ROBO1: variants seen among roughly 807,000 people sequenced by gnomAD.
ROBO1 encodes the protein roundabout homolog 1.
In ROBO1, 149 loss-of-function variants were observed where a neutral mutation model predicts 195.9. The ratio of observed to expected loss-of-function variants is 0.76; its 90% CI spans 0.67 to 0.87. The LOEUF (loss-of-function observed/expected upper bound fraction) is 0.87. Ranked by LOEUF, ROBO1 falls within the 40% of genes least tolerant of loss-of-function variation. ROBO1 has a pLI of 0.00. For synonymous variants in ROBO1, 816 were observed against 733.2 expected, an observed-to-expected ratio of 1.11 and a Z score of -1.82; for missense variants, 1,933 against 2,068.3, an observed-to-expected ratio of 0.93 and a Z score of 1.27.
chr3:78,917,538 C>A (rs1205845643), intron 4 of ROBO1, among the ~76,000 whole-genome samples: 1 of 152,002 alleles, frequency 6.6e-6, no homozygotes, highest in Non-Finnish European at 1.5e-5. Flanking sequence ...ACATGGTAAA[C>A]TCACTAGTTT....
intron 3 of ROBO1, among the ~76,000 whole-genome samples, chr3:79,023,002 A>G (rs2078132160): frequency 6.6e-6 from 1 of 152,212 alleles, no homozygotes; most frequent in African/African-American, 2.4e-5. Context: ...CAGGGATTGC[A>G]GATACCACTT....
intron 28 of ROBO1, among the ~76,000 whole-genome samples, chr3:78,613,036 GT>G (rs1281361664): frequency 6.6e-6 from 1 of 152,142 alleles, no homozygotes; most frequent in Non-Finnish European, 1.5e-5. Context: ...ACTGAAACAA[GT>G]ACTACGGAAC....
chr3:78,897,723 A>C (rs1576364124), intron 4 of ROBO1, among the ~76,000 whole-genome samples: 2 of 152,134 alleles, frequency 1.3e-5, no homozygotes, highest in African/African-American at 2.4e-5. Flanking sequence ...ATTACTTTTC[A>C]ATGCATTTGC....
At chr3:78,930,785 GCCTCCTAATTGATGT>G (rs1028363843) in intron 4 of ROBO1, among the ~76,000 whole-genome samples, 6 of 152,068 alleles carry the variant, frequency 3.9e-5, no homozygotes, top group Non-Finnish European at 8.8e-5. Flanking sequence ...TACTAGAATA[GCCTCCTAATTGATGT>G]CCTCTGACTA....
intron 4 of ROBO1, among the ~76,000 whole-genome samples, chr3:78,916,565 A>G (rs532766548): frequency 3.9e-5 from 6 of 151,966 alleles, no homozygotes; most frequent in East Asian, 3.9e-4. Flanking sequence ...AAGAAAAAAA[A>G]AAAAAAAAGA....
rs774906447 is a variant in ROBO1 at position 78,785,590 on chromosome 3, T to G, written c.500-38690A>C. Among the ~76,000 whole-genome samples, 175 of 152,306 alleles carry G rather than the reference T, an allele frequency of 1.1e-3. 2 individuals carry two copies. The highest frequency in any genetic ancestry group is 7.1e-4 in the Non-Finnish European group (48 of 68,028). On this transcript the variant is annotated intron_variant, in intron 4 of 30. Coordinates refer to ENST00000464233, the MANE Select transcript of ROBO1 (RefSeq NM_002941.4). The stretch of plus-strand genomic sequence containing the variant: ...ATCTCCTTACAAATTCTGGCTATGA[T>G]TCAATTCCTTCTTAACTGAAGATAA...
At chr3:79,729,053 T>G (rs764631099) in intron 1 of ROBO1, among the ~76,000 whole-genome samples, 1 of 152,236 alleles carries the variant, frequency 6.6e-6, no homozygotes, top group Non-Finnish European at 1.5e-5. Flanking sequence ...ATTACATTGT[T>G]TCCGTAGCAC....
At chr3:79,417,262 G>T (rs1193453240) in intron 2 of ROBO1, among the ~76,000 whole-genome samples, 1 of 152,106 alleles carries the variant, frequency 6.6e-6, no homozygotes, top group Admixed American at 6.6e-5. Context: ...GGGGAAGCCA[G>T]CCACCATATT....
chr3:79,196,545 G>C (rs1188391831), intron 2 of ROBO1, among the ~76,000 whole-genome samples: 1 of 151,764 alleles, frequency 6.6e-6, no homozygotes, highest in Non-Finnish European at 1.5e-5. Flanking sequence ...TTGCTAGTGA[G>C]TTAACTTATA....
At chr3:78,683,178 A>G (rs553713343) in intron 10 of ROBO1, among the ~76,000 whole-genome samples, 4 of 152,136 alleles carry the variant, frequency 2.6e-5, no homozygotes, top group African/African-American at 9.6e-5. Flanking sequence ...ACACCTAGGT[A>G]TAAATGTACC....
At chr3:79,693,977 C>T (rs1947370208) in intron 1 of ROBO1, among the ~76,000 whole-genome samples, 1 of 150,952 alleles carries the variant, frequency 6.6e-6, no homozygotes, top group Non-Finnish European at 1.5e-5. Flanking sequence ...TTGGACATGG[C>T]CAAATTTAGA....
chr3:78,885,257 G>A (rs998634011), intron 4 of ROBO1, among the ~76,000 whole-genome samples: 8 of 151,816 alleles, frequency 5.3e-5, no homozygotes, highest in Admixed American at 3.9e-4. Context: ...GGGGTCTCTT[G>A]TGGGGTGGAG....
chr3:79,300,054 G>A (rs756404735), intron 2 of ROBO1, among the ~76,000 whole-genome samples: 1 of 152,204 alleles, frequency 6.6e-6, no homozygotes, highest in African/African-American at 2.4e-5. Flanking sequence ...AGGTGACAGC[G>A]TGCTGGCAGC....
intron 5 of ROBO1, among the ~76,000 whole-genome samples, chr3:78,738,673 TAAC>T (rs1161762165): frequency 6.6e-5 from 10 of 152,140 alleles, no homozygotes; most frequent in Non-Finnish European, 1.5e-4. Context: ...TTCTCATTTC[TAAC>T]ACCAGGACCA....
intron 4 of ROBO1, among the ~76,000 whole-genome samples, chr3:78,790,223 C>A (rs1230628902): frequency 6.6e-6 from 1 of 152,144 alleles, no homozygotes; most frequent in East Asian, 1.9e-4. Context: ...AGACCTCACT[C>A]CACCCCACCT....
intron 4 of ROBO1, among the ~76,000 whole-genome samples, chr3:78,879,919 A>G (rs930910041): frequency 3.3e-5 from 5 of 152,168 alleles, no homozygotes; most frequent in African/African-American, 4.8e-5. Context: ...TAGATTTGAT[A>G]CCAATAATAG....
chr3:79,616,104 G>A (rs993409991), intron 1 of ROBO1, among the ~76,000 whole-genome samples: 2 of 152,168 alleles, frequency 1.3e-5, no homozygotes, highest in Non-Finnish European at 2.9e-5. Context: ...ATGAGCCCAG[G>A]CACTACTTTT....
At chr3:79,359,009 T>C (rs1454843442) in intron 2 of ROBO1, among the ~76,000 whole-genome samples, 1 of 152,058 alleles carries the variant, frequency 6.6e-6, no homozygotes, top group Admixed American at 6.5e-5. Flanking sequence ...AATTAATGAC[T>C]GCTATTTAAA....
intron 2 of ROBO1, among the ~76,000 whole-genome samples, chr3:79,246,534 A>G (rs921354022): frequency 1.3e-5 from 2 of 152,100 alleles, no homozygotes; most frequent in Non-Finnish European, 2.9e-5. Context: ...TGACCTCTAC[A>G]CTGTCTTAAT....
Sources: allele counts gnomAD v4.1 joint callset (sites outside exome capture counted in the v4.1 genomes callset), GRCh38; gene constraint gnomAD v4.1.1; transcripts MANE v1.5; gene names NCBI Gene and HGNC (gene_info 2026-07-23, HGNC 2026-07-21).